MACROD2: variants seen among roughly 807,000 people sequenced by gnomAD.
MACROD2 encodes the protein ADP-ribose glycohydrolase MACROD2.
A neutral mutation model predicts 70.4 loss-of-function variants in MACROD2; 36 were observed. That is an observed-to-expected ratio of 0.51 (90% CI 0.39 to 0.68). The LOEUF (loss-of-function observed/expected upper bound fraction) is 0.68. Ranked by LOEUF, MACROD2 falls within the 30% of genes least tolerant of loss-of-function variation. MACROD2 has a pLI of 0.00. For missense variants in MACROD2, 496 were observed against 538.4 expected, an observed-to-expected ratio of 0.92 and a Z score of 0.78; for synonymous variants, 172 against 178.8, an observed-to-expected ratio of 0.96 and a Z score of 0.30.
intron 5 of MACROD2, among the ~76,000 whole-genome samples, chr20:15,225,138 AT>A (rs1568650440): frequency 6.6e-6 from 1 of 152,030 alleles, no homozygotes; most frequent in African/African-American, 2.4e-5. Context: ...TCTGAAAATA[AT>A]TTTTTAATAT....
chr20:14,352,689 C>G (rs1348781562), intron 3 of MACROD2, among the ~76,000 whole-genome samples: 1 of 151,952 alleles, frequency 6.6e-6, no homozygotes, highest in Non-Finnish European at 1.5e-5. Context: ...AGAAGGAGCA[C>G]ATTTTCTTGT....
At chr20:14,578,344 T>C (rs936118748) in intron 4 of MACROD2, among the ~76,000 whole-genome samples, 1 of 152,130 alleles carries the variant, frequency 6.6e-6, no homozygotes, top group Non-Finnish European at 1.5e-5. Context: ...TTACAGGCGA[T>C]ATACTTTCAG....
intron 8 of MACROD2, among the ~76,000 whole-genome samples, chr20:15,692,089 A>T (rs151075224): frequency 6.6e-6 from 1 of 152,266 alleles, no homozygotes; most frequent in Non-Finnish European, 1.5e-5. Context: ...TGATTATTCT[A>T]GTTCCTGTGA....
At chr20:14,703,636 C>T (rs1427679325) in intron 5 of MACROD2, among the ~76,000 whole-genome samples, 1 of 152,190 alleles carries the variant, frequency 6.6e-6, no homozygotes, top group Non-Finnish European at 1.5e-5. Context: ...AGTTCAAGAC[C>T]AGCCTGGGCA....
At chr20:15,902,784 C>T (rs1390090165) in intron 10 of MACROD2, among the ~76,000 whole-genome samples, 2 of 152,006 alleles carry the variant, frequency 1.3e-5, no homozygotes, top group African/African-American at 4.8e-5. Flanking sequence ...CCTCCAGTCC[C>T]AAGAAAGCCC....
intron 2 of MACROD2, among the ~76,000 whole-genome samples, chr20:14,020,708 T>C (rs2053064632): frequency 6.6e-6 from 1 of 152,198 alleles, no homozygotes; most frequent in South Asian, 2.1e-4. Context: ...CCATTTGTCC[T>C]GAGACTTTCC....
intron 5 of MACROD2, chr20:14,758,161 AT>A (rs1408845011): frequency 3.3e-6 from 1 of 305,782 alleles, no homozygotes; most frequent in Non-Finnish European, 6.2e-6. Context: ...TATTAAAAAA[AT>A]AAACACAGGT....
chr20:14,171,181 CA>C (rs1196563589), intron 3 of MACROD2, among the ~76,000 whole-genome samples: 1 of 152,080 alleles, frequency 6.6e-6, no homozygotes, highest in African/African-American at 2.4e-5. Flanking sequence ...TCTGTGGTAT[CA>C]GTTGTAATAT....
chr20:15,454,112 C>T (rs6074897), intron 7 of MACROD2, among the ~76,000 whole-genome samples: 120,734 of 152,072 alleles, frequency 0.79, 48,153 homozygotes, highest in East Asian at 0.88. Context: ...CTGTGAGCTT[C>T]AGAGGAGGCA....
At chr20:15,436,312 A>C (rs1221159783) in intron 7 of MACROD2, among the ~76,000 whole-genome samples, 1 of 152,150 alleles carries the variant, frequency 6.6e-6, no homozygotes, top group African/African-American at 2.4e-5. Flanking sequence ...AAGGAAGAGC[A>C]AGTCACGTCT....
intron 4 of MACROD2, among the ~76,000 whole-genome samples, chr20:14,577,419 G>C (rs541219111): frequency 2.2e-4 from 34 of 152,124 alleles, no homozygotes; most frequent in African/African-American, 7.5e-4. Context: ...GACCTAAAAG[G>C]GATTATAATA....
chr20:14,533,120 C>T lies in MACROD2; in HGVS notation c.301+39612C>T, dbSNP rs974586875. Among the ~76,000 whole-genome samples the T allele has an allele frequency of 4.4e-5, 5 of 114,896 alleles. 1 individual carries two copies. Among genetic ancestry groups the T allele is most frequent in the Non-Finnish European group, 9.4e-5 (5 of 53,336 alleles). The allele number at this position is 114,896 out of a possible 152,430, so 75.4% of individuals were successfully genotyped here. ...TCACAGCAACCAATCAGAAAGGGCT[C>T]AGTCTACCTAAAGCCTGGAGGATAA... On this transcript the variant is annotated intron_variant, in intron 4 of 17. Coordinates refer to ENST00000684519, the MANE Select transcript of MACROD2 (RefSeq NM_001351661.2).
intron 6 of MACROD2, among the ~76,000 whole-genome samples, chr20:15,364,223 C>T (rs1256705280): frequency 6.6e-6 from 1 of 152,224 alleles, no homozygotes; most frequent in Non-Finnish European, 1.5e-5. Context: ...GCCTTTCTTA[C>T]TCTTGCTGCA....
chr20:14,435,571 C>T (rs927773679), intron 3 of MACROD2, among the ~76,000 whole-genome samples: 4 of 152,092 alleles, frequency 2.6e-5, no homozygotes, highest in African/African-American at 9.7e-5. Context: ...TTGAGTACCC[C>T]TTATGCGTCA....
intron 5 of MACROD2, among the ~76,000 whole-genome samples, chr20:15,109,319 T>C (rs757266758): frequency 3.3e-5 from 5 of 152,202 alleles, no homozygotes; most frequent in Admixed American, 6.5e-5. Flanking sequence ...GAAATGTCGC[T>C]TTAACAACCA....
At chr20:15,164,480 C>G (rs1397173677) in intron 5 of MACROD2, among the ~76,000 whole-genome samples, 1 of 152,052 alleles carries the variant, frequency 6.6e-6, no homozygotes, top group South Asian at 2.1e-4. Context: ...ACACTTAGAA[C>G]TGAATCATAA....
intron 5 of MACROD2, among the ~76,000 whole-genome samples, chr20:15,087,691 C>G (rs1215691757): frequency 1.3e-5 from 2 of 151,942 alleles, no homozygotes; most frequent in Non-Finnish European, 2.9e-5. Context: ...AGGTGCGATA[C>G]ATATTTGACT....
intron 8 of MACROD2, among the ~76,000 whole-genome samples, chr20:15,527,177 A>T (rs996627089): frequency 2.6e-5 from 4 of 152,162 alleles, no homozygotes; most frequent in Non-Finnish European, 5.9e-5. Flanking sequence ...AAATGAGCCC[A>T]CCAGATATCA....
chr20:14,707,631 G>A (rs1200315652), intron 5 of MACROD2, among the ~76,000 whole-genome samples: 5 of 152,058 alleles, frequency 3.3e-5, no homozygotes, highest in East Asian at 1.9e-4. Context: ...GCCTACATCC[G>A]GGAATCTCTC....
Sources: allele counts gnomAD v4.1 joint callset (sites outside exome capture counted in the v4.1 genomes callset), GRCh38; gene constraint gnomAD v4.1.1; transcripts MANE v1.5; gene names NCBI Gene and HGNC (gene_info 2026-07-23, HGNC 2026-07-21).